The following PILRA variants were observed in gnomAD, a reference collection of about 807,000 sequenced individuals.
PILRA encodes paired immunoglobin like type 2 receptor alpha.
A neutral mutation model predicts 33.1 loss-of-function variants in PILRA; 37 were observed. The observed-to-expected ratio is 1.12, with a 90% CI of 0.86 to 1.47. The LOEUF (loss-of-function observed/expected upper bound fraction) is 1.47. Ranked by LOEUF, PILRA falls within the 40% of genes most tolerant of loss-of-function variation. The probability of loss-of-function intolerance (pLI) is 0.00; values close to 1 mark genes in which losing one functional copy is unlikely to be tolerated. For synonymous variants in PILRA, 146 were observed against 149.9 expected, an observed-to-expected ratio of 0.97 and a Z score of 0.19; for missense variants, 312 against 376.2, an observed-to-expected ratio of 0.83 and a Z score of 1.41.
upstream of PILRA, among the ~76,000 whole-genome samples, chr7:100,372,317 T>G (rs978941861): frequency 2.0e-5 from 3 of 151,992 alleles, no homozygotes; most frequent in African/African-American, 4.8e-5. Context: ...CGGGCCGGCC[T>G]GGCTGGCCCT....
At chr7:100,375,127 T>A (rs368855086) in intron 2 of PILRA, among the ~76,000 whole-genome samples, 8 of 152,248 alleles carry the variant, frequency 5.3e-5, no homozygotes, top group African/African-American at 1.4e-4. Context: ...CAGCCCCCAC[T>A]TTCCCTGACA....
intron 2 of PILRA, among the ~76,000 whole-genome samples, chr7:100,387,067 G>T (rs1197896715): frequency 6.6e-6 from 1 of 152,166 alleles, no homozygotes; most frequent in Non-Finnish European, 1.5e-5. Context: ...TCTGTCTAAT[G>T]ATCAGTTAAC....
intron 2 of PILRA, among the ~76,000 whole-genome samples, chr7:100,387,662 C>G (rs755256209): frequency 6.6e-6 from 1 of 152,114 alleles, no homozygotes; most frequent in Non-Finnish European, 1.5e-5. Context: ...GGTACGATTG[C>G]GCACCCCAGC....
At chr7:100,398,039 C>G (rs1418958509) in intron 4 of PILRA, 127 bp downstream of exon 4, 4 of 856,682 alleles carry the variant, frequency 4.7e-6, no homozygotes, top group Non-Finnish European at 7.7e-6. Context: ...TGTTGCATCC[C>G]CAACTTACCC....
rs1222733685 is a variant in PILRA, at chr7:100,399,360, C to A, written c.757+20C>A. ...ATGAAGGTGAGTCCTTACCACCATC[C>A]TTCCCCAGTTTCTACCCCTGGCACT... is the stretch of plus-strand genomic sequence containing the variant. On this transcript the variant is annotated intron_variant, in intron 5 of 6. Transcript: ENST00000198536. 1 of 1,604,476 alleles carries A rather than the reference C, an allele frequency of 6.2e-7. No individual in the cohort carries two copies. The highest frequency in any genetic ancestry group is 1.7e-5 in the Admixed American group (1 of 59,852).
rs1320755931 is a variant in PILRA at position 100,374,348 on chromosome 7, T to C, written c.369T>C (p.Tyr123=). The change falls in exon 2 of 7, where the codon TAT becomes TAC. Residue 123 remains tyrosine (Y), a synonymous_variant. Transcript: ENST00000198536. ...TGCAGAAGCAGGACCAGTCTGTGTA[T>C]TTCTGCCGAGTTGAGCTGGACACAC... The part of the protein sequence containing the change: ...SNLQKQDQSV[Y]FCRVELDTRS... 1.2e-6 allele frequency: 2 copies of C among 1,613,962 alleles called. No individual in the cohort carries two copies. The highest frequency in any genetic ancestry group is 1.7e-6 in the Non-Finnish European group (2 of 1,180,016).
At chr7:100,382,846 A>G (rs1021873410) in intron 2 of PILRA, among the ~76,000 whole-genome samples, 2 of 152,168 alleles carry the variant, frequency 1.3e-5, no homozygotes, top group African/African-American at 4.8e-5. Flanking sequence ...ACGAACCCAT[A>G]AAAAGGAAGA....
chr7:100,377,588 T>C (rs1403857567), intron 2 of PILRA, among the ~76,000 whole-genome samples: 1 of 152,020 alleles, frequency 6.6e-6, no homozygotes, highest in Admixed American at 6.6e-5. Flanking sequence ...CCACTATAGG[T>C]TGAAAATATT....
At chr7:100,390,307 C>T (rs1187738905) in intron 3 of PILRA, among the ~76,000 whole-genome samples, 1 of 152,128 alleles carries the variant, frequency 6.6e-6, no homozygotes, top group Non-Finnish European at 1.5e-5. Flanking sequence ...CATGTGAGAG[C>T]CCACAGCCCT....
intron 3 of PILRA, among the ~76,000 whole-genome samples, chr7:100,391,272 T>C (rs1281970471): frequency 4.6e-5 from 7 of 150,968 alleles, no homozygotes; most frequent in African/African-American, 1.5e-4. Context: ...TGAGGATTGC[T>C]TGAGCCCAGG....
intron 2 of PILRA, among the ~76,000 whole-genome samples, chr7:100,386,501 CAA>C (rs905045629): frequency 7.1e-6 from 1 of 140,814 alleles, no homozygotes; most frequent in Non-Finnish European, 1.6e-5. Context: ...GACACTATGT[CAA>C]AAAAAAAAAC....
At chr7:100,383,267 T>C (rs1211979954) in intron 2 of PILRA, among the ~76,000 whole-genome samples, 1 of 151,770 alleles carries the variant, frequency 6.6e-6, no homozygotes, top group Non-Finnish European at 1.5e-5. Flanking sequence ...CAGAAATGTG[T>C]AGAGAGGAAC....
chr7:100,390,351 T>C (rs1791364583), intron 3 of PILRA, among the ~76,000 whole-genome samples: 1 of 151,990 alleles, frequency 6.6e-6, no homozygotes, highest in Non-Finnish European at 1.5e-5. Flanking sequence ...AGTTCTTCTC[T>C]CTCAGTCATC....
intron 2 of PILRA, among the ~76,000 whole-genome samples, chr7:100,377,995 CT>C (rs1193237333): frequency 6.6e-6 from 1 of 152,114 alleles, no homozygotes; most frequent in African/African-American, 2.4e-5. Flanking sequence ...GTGATTGTAA[CT>C]TTATCACATT....
chr7:100,377,515 A>G (rs1790983189), intron 2 of PILRA, among the ~76,000 whole-genome samples: 1 of 152,158 alleles, frequency 6.6e-6, no homozygotes, highest in Admixed American at 6.5e-5. Context: ...TGCTGGGATT[A>G]CAGGCTTCAG....
chr7:100,371,821 C>G (rs1246965260), upstream of PILRA, among the ~76,000 whole-genome samples: 3 of 152,208 alleles, frequency 2.0e-5, no homozygotes, highest in African/African-American at 7.2e-5. Flanking sequence ...AGACCTCACA[C>G]CATCCCAGAG....
chr7:100,398,298 C>T (rs1195976304), intron 4 of PILRA, among the ~76,000 whole-genome samples: 1 of 152,180 alleles, frequency 6.6e-6, no homozygotes, highest in African/African-American at 2.4e-5. Context: ...TGTCCTGTTC[C>T]CCTGCTGAAT....
chr7:100,381,630 A>C (rs1471829285), intron 2 of PILRA, among the ~76,000 whole-genome samples: 2 of 152,164 alleles, frequency 1.3e-5, no homozygotes, highest in African/African-American at 4.8e-5. Context: ...CTCTGGCCGC[A>C]CTTGAAGAGC....
chr7:100,373,807 G>A lies in PILRA; in HGVS notation c.64+87G>A, dbSNP rs1337413868. On this transcript the variant is annotated intron_variant, in intron 1 of 6. Coordinates refer to ENST00000198536, the MANE Select transcript of PILRA (RefSeq NM_013439.3). ...GACAAAGGTGGGACATCTTGGGGAG[G>A]GCCCAGGCTCCCACCACCAGGAAAC... The A allele has an allele frequency of 2.6e-6, 4 of 1,548,066 alleles. No homozygotes were observed. In the African/African-American group the frequency reaches 5.4e-5, roughly 21 times the overall value.
Sources: gnomAD v4.1 joint callset for allele counts (sites outside exome capture counted in the v4.1 genomes callset) on GRCh38, gnomAD v4.1.1 for gene constraint, MANE v1.5 for transcripts, NCBI Gene and HGNC (gene_info 2026-07-23, HGNC 2026-07-21) for gene names.